LRRC4C: variants seen among roughly 807,000 people sequenced by gnomAD.
LRRC4C encodes the protein leucine rich repeat containing 4C, also known as leucine-rich repeat-containing protein 4C.
A neutral mutation model predicts 33.6 loss-of-function variants in LRRC4C; 5 were observed. The ratio of observed to expected loss-of-function variants is 0.15; its 90% CI spans 0.08 to 0.31. The LOEUF is 0.31. Ranked by LOEUF, LRRC4C falls within the 10% of genes least tolerant of loss-of-function variation. LRRC4C has a pLI of 1.00. For missense variants in LRRC4C, 560 were observed against 796.7 expected (o/e 0.70, Z 3.58); for synonymous variants, 329 against 302.0 (o/e 1.09, Z -0.93).
At chr11:40,147,256 G>A (rs1393768333) in intron 5 of LRRC4C, among the ~76,000 whole-genome samples, 2 of 151,980 alleles carry the variant, frequency 1.3e-5, no homozygotes, top group African/African-American at 2.4e-5. Flanking sequence ...ACTAATCTTA[G>A]GCTTCAAAAG....
intron 1 of LRRC4C, among the ~76,000 whole-genome samples, chr11:41,229,002 C>T (rs1019986821): frequency 1.3e-5 from 2 of 152,124 alleles, no homozygotes; most frequent in Non-Finnish European, 2.9e-5. Context: ...TCTATTATCT[C>T]TAGTTCTGGG....
chr11:41,014,732 T>A (rs1197628581), intron 1 of LRRC4C, among the ~76,000 whole-genome samples: 1 of 152,124 alleles, frequency 6.6e-6, no homozygotes, highest in Non-Finnish European at 1.5e-5. Flanking sequence ...GGGCAAAGTG[T>A]AAGGTAAATA....
At chr11:41,249,286 G>A (rs961382090) in intron 1 of LRRC4C, among the ~76,000 whole-genome samples, 9 of 151,878 alleles carry the variant, frequency 5.9e-5, no homozygotes, top group South Asian at 2.1e-4. Flanking sequence ...TGCCCTCCTC[G>A]GCCTCCCAAA....
At chr11:40,213,399 G>T (rs544074085) in intron 5 of LRRC4C, among the ~76,000 whole-genome samples, 3 of 152,062 alleles carry the variant, frequency 2.0e-5, no homozygotes, top group Non-Finnish European at 4.4e-5. Context: ...AATATGTCAC[G>T]CTGGACAAAA....
At chr11:40,258,014 G>A (rs769881516) in intron 4 of LRRC4C, among the ~76,000 whole-genome samples, 7 of 152,098 alleles carry the variant, frequency 4.6e-5, no homozygotes, top group Non-Finnish European at 7.4e-5. Flanking sequence ...ATTACTCTTC[G>A]AAATTTCTAA....
chr11:41,211,661 A>C (rs944990671), intron 1 of LRRC4C, among the ~76,000 whole-genome samples: 1 of 152,210 alleles, frequency 6.6e-6, no homozygotes, highest in Non-Finnish European at 1.5e-5. Flanking sequence ...ACATGAAGTC[A>C]TCATTTTATT....
At chr11:41,325,338 G>T (rs899368361) in intron 1 of LRRC4C, among the ~76,000 whole-genome samples, 1 of 152,088 alleles carries the variant, frequency 6.6e-6, no homozygotes, top group Non-Finnish European at 1.5e-5. Context: ...TTAGAATCCA[G>T]TCTGTGCCAT....
intron 1 of LRRC4C, among the ~76,000 whole-genome samples, chr11:41,417,702 T>C (rs1954734896): frequency 6.6e-6 from 1 of 151,922 alleles, no homozygotes; most frequent in African/African-American, 2.4e-5. Context: ...TCCAGCTCCC[T>C]TAATCTCCAA....
At chr11:40,260,551 A>T (rs1195493647) in intron 4 of LRRC4C, among the ~76,000 whole-genome samples, 1 of 149,112 alleles carries the variant, frequency 6.7e-6, no homozygotes, top group Non-Finnish European at 1.5e-5. Context: ...ACTTAAAGTA[A>T]AAAAAAAAAA....
chr11:41,397,734 A>G (rs1953874793), intron 1 of LRRC4C, among the ~76,000 whole-genome samples: 1 of 151,706 alleles, frequency 6.6e-6, no homozygotes, highest in Non-Finnish European at 1.5e-5. Flanking sequence ...CAATAATCTC[A>G]TATTTTGTGT....
chr11:40,957,260 G>A (rs1388580079), intron 1 of LRRC4C, among the ~76,000 whole-genome samples: 2 of 151,726 alleles, frequency 1.3e-5, no homozygotes, highest in South Asian at 2.1e-4. Flanking sequence ...TATAAAATAA[G>A]GTGCAAGTCG....
intron 2 of LRRC4C, among the ~76,000 whole-genome samples, chr11:40,739,231 C>T (rs1564997523): frequency 6.6e-6 from 1 of 151,990 alleles, no homozygotes; most frequent in South Asian, 2.1e-4. Flanking sequence ...AACTCCATGT[C>T]CTAGCAACCT....
chr11:40,407,740 T>C (rs1950012087), intron 3 of LRRC4C, among the ~76,000 whole-genome samples: 1 of 152,082 alleles, frequency 6.6e-6, no homozygotes. Flanking sequence ...TTAGGCAATT[T>C]AAACCAATTC....
chr11:40,376,384 GA>G (rs1948660280), intron 3 of LRRC4C, among the ~76,000 whole-genome samples: 2 of 152,256 alleles, frequency 1.3e-5, no homozygotes, highest in South Asian at 4.1e-4. Context: ...ACACAGAAAA[GA>G]GTTGAACAGA....
chr11:40,198,766 C>T (rs1051900958), intron 5 of LRRC4C, among the ~76,000 whole-genome samples: 1 of 152,104 alleles, frequency 6.6e-6, no homozygotes, highest in Non-Finnish European at 1.5e-5. Context: ...TAGTTTGTGC[C>T]TGAATAATAA....
intron 1 of LRRC4C, among the ~76,000 whole-genome samples, chr11:41,121,017 T>G (rs1003417976): frequency 1.3e-5 from 2 of 152,198 alleles, no homozygotes; most frequent in Non-Finnish European, 2.9e-5. Context: ...TGTGGAACTA[T>G]GAGTCAATTA....
chr11:40,632,504 T>G (rs1372467007), intron 3 of LRRC4C, among the ~76,000 whole-genome samples: 1 of 152,164 alleles, frequency 6.6e-6, no homozygotes, highest in African/African-American at 2.4e-5. Context: ...CAGAATTAAC[T>G]CAAGCCGTGT....
intron 1 of LRRC4C, among the ~76,000 whole-genome samples, chr11:41,150,993 C>A (rs939345781): frequency 1.4e-4 from 21 of 151,900 alleles, no homozygotes; most frequent in Admixed American, 1.2e-3. Context: ...CCTTCCAGAA[C>A]TCCATTCCAC....
In LRRC4C at chr11:41,204,237, A is replaced by C. The variant is rs1286901460; in HGVS notation, c.-496+255194T>G. Among the ~76,000 whole-genome samples the C allele has an allele frequency of 2.6e-5, 4 of 152,232 alleles. No individual in the cohort carries two copies. In the East Asian group the frequency reaches 7.7e-4, roughly 29 times the overall value. On this transcript the variant is annotated intron_variant, in intron 1 of 6. Coordinates refer to ENST00000528697, the MANE Select transcript of LRRC4C (RefSeq NM_001258419.2). ...TTAAGATTATCCACACAAGCATTTT[A>C]TTGTTCAGTGACAGAGGAAATAATG...
Sources: gnomAD v4.1 joint callset for allele counts (sites outside exome capture counted in the v4.1 genomes callset) on GRCh38, gnomAD v4.1.1 for gene constraint, MANE v1.5 for transcripts, NCBI Gene and HGNC (gene_info 2026-07-23, HGNC 2026-07-21) for gene names.